Variants in TNS3 observed in about 807,000 individuals in gnomAD.
The protein encoded by TNS3 is tensin-3.
Under a neutral mutation model 140.9 loss-of-function variants are expected in TNS3, and 45 were observed. The observed-to-expected ratio is 0.32, with a 90% confidence interval of 0.25 to 0.41. TNS3 has a LOEUF of 0.41. Among genes scored for constraint, TNS3 ranks in the 10% least tolerant of loss-of-function variants. The probability of loss-of-function intolerance (pLI) is 1.00; values close to 1 mark genes in which losing one functional copy is unlikely to be tolerated. For synonymous variants in TNS3, 815 were observed against 788.4 expected (o/e 1.03, Z -0.56); for missense variants, 1,716 against 1,906.7 (o/e 0.90, Z 1.86).
At chr7:47,392,832 T>C (rs1028715758) in intron 16 of TNS3, among the ~76,000 whole-genome samples, 1 of 152,246 alleles carries the variant, frequency 6.6e-6, no homozygotes, top group African/African-American at 2.4e-5. Flanking sequence ...ATGAGTTTTC[T>C]ATCCAAAGGT....
intron 1 of TNS3, among the ~76,000 whole-genome samples, chr7:47,571,451 A>C (rs4551247): frequency 0.98 from 148,963 of 152,326 alleles, 72,921 homozygotes; most frequent in East Asian, 1. Context: ...CACGCTGGGG[A>C]CTTCCTCTTG....
intron 1 of TNS3, among the ~76,000 whole-genome samples, chr7:47,534,324 A>C (rs1209632061): frequency 1.3e-5 from 2 of 151,820 alleles, no homozygotes; most frequent in Admixed American, 1.3e-4. Context: ...TGAACCAAGC[A>C]GAAGCCTTCA....
Position 47,372,062 on chromosome 7 carries a change from T to C in TNS3, c.1025-2441A>G, listed in dbSNP as rs1025106494. ...CCTGTTACCAGGAAAATTTAACAAA[T>C]GAAAGAACCTGGTAAATCCTTCCTG... is the stretch of plus-strand genomic sequence containing the variant. On this transcript the variant is annotated intron_variant, in intron 16 of 30. Coordinates refer to ENST00000311160, the MANE Select transcript of TNS3 (RefSeq NM_022748.12). Among the ~76,000 whole-genome samples the C allele has an allele frequency of 2.0e-5, 3 of 152,264 alleles. No individual in the cohort carries two copies. In the South Asian group the frequency reaches 6.2e-4, roughly 31 times the overall value.
At chr7:47,554,923 G>A (rs1222425954) in intron 1 of TNS3, among the ~76,000 whole-genome samples, 1 of 151,958 alleles carries the variant, frequency 6.6e-6, no homozygotes, top group East Asian at 1.9e-4. Context: ...AGCTACTCAG[G>A]AGGCGGAGGC....
Position 47,481,136 on chromosome 7 carries a change from C to T in TNS3, c.-109G>A, listed in dbSNP as rs1323437091. 2.3e-6 allele frequency: 3 copies of T among 1,289,802 alleles called. No individual in the cohort carries two copies. In the South Asian group the frequency reaches 3.7e-5, roughly 16 times the overall value. 79.9% of individuals were successfully genotyped at this position (1,289,802 alleles called of 1,614,324 possible). On this transcript the variant is annotated 5_prime_UTR_variant, in exon 4 of 31. Transcript: ENST00000311160. Reference sequence around the variant, plus strand: ...GTCGGACTTGCACACCGCAGGGAATCACCACCTTTCAAAGAGAGAAGAAAC... The same window carrying T: ...GTCGGACTTGCACACCGCAGGGAATTACCACCTTTCAAAGAGAGAAGAAAC...
At chr7:47,539,490 G>A (rs1018632911) in intron 1 of TNS3, 6 of 260,812 alleles carry the variant, frequency 2.3e-5, no homozygotes, top group East Asian at 9.8e-5. Context: ...CCCTGCCCCC[G>A]ACTCTGACCT....
At chr7:47,344,143 G>T (rs114961708) in intron 20 of TNS3, among the ~76,000 whole-genome samples, 2,423 of 152,182 alleles carry the variant, frequency 0.016, 62 homozygotes, top group African/African-American at 0.055. Flanking sequence ...GCCTGAGCTC[G>T]GCCTTGTCCT....
chr7:47,471,231 G>A (rs935734743), intron 4 of TNS3, among the ~76,000 whole-genome samples: 1 of 152,160 alleles, frequency 6.6e-6, no homozygotes, highest in Non-Finnish European at 1.5e-5. Context: ...ACAACCACAG[G>A]CATCAGTCCC....
intron 5 of TNS3, among the ~76,000 whole-genome samples, chr7:47,441,227 G>A (rs1795450381): frequency 6.6e-6 from 1 of 151,964 alleles, no homozygotes; most frequent in South Asian, 2.1e-4. Flanking sequence ...TCGCCAGGCT[G>A]GAATGCAGTG....
At chr7:47,405,664 G>A (rs1163895911) in intron 13 of TNS3, 1 of 688,942 alleles carries the variant, frequency 1.5e-6, no homozygotes, top group African/African-American at 1.8e-5. Flanking sequence ...CAGTCTAAAA[G>A]GGAGAGGAAA....
chr7:47,526,025 G>C (rs1399228874), intron 2 of TNS3, among the ~76,000 whole-genome samples: 1 of 152,202 alleles, frequency 6.6e-6, no homozygotes, highest in Non-Finnish European at 1.5e-5. Context: ...TCCAGATAAA[G>C]AAAGAAGACA....
chr7:47,561,111 G>A, intron 1 of TNS3, among the ~76,000 whole-genome samples: 1 of 152,230 alleles, frequency 6.6e-6, no homozygotes, highest in East Asian at 1.9e-4. Context: ...AAACTTCAGA[G>A]GGTAAGCTAG....
intron 16 of TNS3, among the ~76,000 whole-genome samples, chr7:47,383,382 C>G (rs545966425): frequency 4.6e-5 from 7 of 152,080 alleles, no homozygotes; most frequent in African/African-American, 1.7e-4. Context: ...TTGCCAGGGG[C>G]TGAGGAAAGG....
At chr7:47,538,387 A>T (rs1799681063) in intron 1 of TNS3, among the ~76,000 whole-genome samples, 1 of 152,186 alleles carries the variant, frequency 6.6e-6, no homozygotes, top group Non-Finnish European at 1.5e-5. Context: ...GTCTCAGGCC[A>T]GCTAACCCTG....
chr7:47,400,789 G>C lies in TNS3; in HGVS notation c.849C>G (p.Ser283Arg), dbSNP rs199972731. Residue 283 changes from serine to arginine, a missense_variant, in exon 14 of 31, where the codon AGC becomes AGG. Coordinates refer to ENST00000311160, the MANE Select transcript of TNS3 (RefSeq NM_022748.12). ...GCCGCCAGCTCCGCGCCTCACCTTT[G>C]CTGGCATTGTCCAGATCCTCCTTCC... ...VFGKEDLDNA[S>R]KDDRFPDYGK... The C allele has an allele frequency of 5.0e-6, 8 of 1,614,044 alleles. No homozygotes were observed. Among genetic ancestry groups the C allele is most frequent in the Non-Finnish European group, 6.8e-6 (8 of 1,179,902 alleles).
At chr7:47,297,440 T>C (rs1786103643) in intron 23 of TNS3, among the ~76,000 whole-genome samples, 1 of 152,096 alleles carries the variant, frequency 6.6e-6, no homozygotes, top group Admixed American at 6.5e-5. Context: ...TGGGCCTGCC[T>C]GTTGAGGAGG....
At chr7:47,308,870 C>T (rs967279614) in intron 20 of TNS3, among the ~76,000 whole-genome samples, 5 of 152,164 alleles carry the variant, frequency 3.3e-5, no homozygotes, top group Admixed American at 2.0e-4. Context: ...TTCAATGTCC[C>T]TAATGTCCTC....
At chr7:47,347,063 TA>T (rs1194260638) in intron 17 of TNS3, among the ~76,000 whole-genome samples, 6 of 152,148 alleles carry the variant, frequency 3.9e-5, no homozygotes, top group Non-Finnish European at 7.4e-5. Context: ...ATTTGGCAGT[TA>T]GGAAAAACCT....
At chr7:47,414,892 C>T (rs1037273900) in intron 11 of TNS3, among the ~76,000 whole-genome samples, 3 of 152,216 alleles carry the variant, frequency 2.0e-5, no homozygotes, top group Non-Finnish European at 4.4e-5. Context: ...AGTCCCTCCC[C>T]TGATTAAATA....
Sources: allele counts gnomAD v4.1 joint callset (sites outside exome capture counted in the v4.1 genomes callset), GRCh38; gene constraint gnomAD v4.1.1; transcripts MANE v1.5; gene names NCBI Gene and HGNC (gene_info 2026-07-23, HGNC 2026-07-21).